PGGT1B: variants seen among roughly 807,000 people sequenced by gnomAD.
The protein encoded by PGGT1B is geranylgeranyl transferase type-1 subunit beta.
In PGGT1B, 30 loss-of-function variants were observed where a neutral mutation model predicts 46.1. The ratio of observed to expected loss-of-function variants is 0.65; its 90% CI spans 0.49 to 0.88. The LOEUF is 0.88. PGGT1B is among the 40% of genes least tolerant of loss of function. The probability of loss-of-function intolerance (pLI) is 0.00; values close to 1 mark genes in which losing one functional copy is unlikely to be tolerated. For missense variants in PGGT1B, 376 were observed against 455.9 expected, an observed-to-expected ratio of 0.82 and a Z score of 1.60; for synonymous variants, 170 against 160.0, an observed-to-expected ratio of 1.06 and a Z score of -0.47.
intron 5 of PGGT1B, among the ~76,000 whole-genome samples, chr5:115,234,568 CAAAT>C (rs1256847973): frequency 6.6e-6 from 1 of 151,928 alleles, no homozygotes; most frequent in Non-Finnish European, 1.5e-5. Context: ...CAAAGAGAAA[CAAAT>C]AACCTAATGG....
chr5:115,231,052 A>C, intron 5 of PGGT1B, 31 bp from the exon 6 acceptor site: 1 of 1,239,128 alleles, frequency 8.1e-7, no homozygotes, highest in Non-Finnish European at 1.1e-6. Context: ...TCAGTTTAAT[A>C]GGGAAATAAT....
chr5:115,253,454 C>T (rs1748188424), intron 1 of PGGT1B, among the ~76,000 whole-genome samples, 199 bp from the exon 2 acceptor site: 1 of 151,788 alleles, frequency 6.6e-6, no homozygotes, highest in African/African-American at 2.4e-5. Context: ...TTCAATTTTT[C>T]AAAAGGGGAC....
intron 6 of PGGT1B, among the ~76,000 whole-genome samples, chr5:115,229,148 C>G (rs1265550657): frequency 6.6e-6 from 1 of 152,058 alleles, no homozygotes; most frequent in African/African-American, 2.4e-5. Context: ...TACTTCCCAG[C>G]CTATCTAACC....
chr5:115,238,997 CT>C (rs35145287), intron 3 of PGGT1B, among the ~76,000 whole-genome samples: 1 of 152,000 alleles, frequency 6.6e-6, no homozygotes, highest in Non-Finnish European at 1.5e-5. Flanking sequence ...GTTCACTACC[CT>C]TTTTATAATA....
chr5:115,224,126 T>C (rs184919537), intron 6 of PGGT1B, among the ~76,000 whole-genome samples: 12 of 151,640 alleles, frequency 7.9e-5, no homozygotes, highest in Admixed American at 7.2e-4. Flanking sequence ...AAAAAAATTA[T>C]TACAACCTTT....
In PGGT1B at chr5:115,207,577, G is replaced by A. The variant is rs1365561613; in HGVS notation, c.*4825C>T. ...GATGCTGTCTGTTTTGAACTTCACC[G>A]AAATGGAATCAAAGTATGCACTTGT... On this transcript the variant is annotated 3_prime_UTR_variant, in exon 9 of 9. Coordinates refer to ENST00000419445, the MANE Select transcript of PGGT1B (RefSeq NM_005023.4). 1 of 151,948 alleles carries A rather than the reference G, an allele frequency of 6.6e-6. No individual in the cohort carries two copies. The highest frequency in any genetic ancestry group is 6.6e-5 in the Admixed American group (1 of 15,240). The allele number at this position is 151,948 out of a possible 1,614,324, so 9.4% of individuals were successfully genotyped here.
rs975633704 is a variant in PGGT1B, at chr5:115,205,870, G to A, written c.*6532C>T. 6.6e-5 allele frequency: 10 copies of A among 151,726 alleles called. No homozygotes were observed. Among genetic ancestry groups the A allele is most frequent in the Non-Finnish European group, 1.2e-4 (8 of 67,822 alleles). 9.4% of individuals were successfully genotyped at this position (151,726 alleles called of 1,614,324 possible). A position where few individuals can be genotyped will look rare whatever the true frequency, so the allele number is the denominator to read the frequency against. ...TATAAATTTAAAGAAACATGCAAAT[G>A]GGCAATTATACATTTTCAAGGATCT... On this transcript the variant is annotated 3_prime_UTR_variant, in exon 9 of 9. Transcript: ENST00000419445.
rs1174285806 is a variant in PGGT1B, at chr5:115,225,974, T to C, written c.659-3966A>G. 2.6e-5 allele frequency among the ~76,000 whole-genome samples: 4 copies of C among 151,788 alleles called. 1 individual carries two copies. Among genetic ancestry groups the C allele is most frequent in the Non-Finnish European group, 5.9e-5 (4 of 67,952 alleles). On this transcript the variant is annotated intron_variant, in intron 6 of 8. Coordinates refer to ENST00000419445, the MANE Select transcript of PGGT1B (RefSeq NM_005023.4). Reference sequence around the variant, plus strand: ...AGTGAAGTAAATTCAAGGGAGTTGATTATTTAGATTTAATATTTATCTTTA... The same window carrying C: ...AGTGAAGTAAATTCAAGGGAGTTGACTATTTAGATTTAATATTTATCTTTA...
intron 2 of PGGT1B, among the ~76,000 whole-genome samples, chr5:115,248,682 CG>C (rs1417882948): frequency 6.6e-6 from 1 of 152,154 alleles, no homozygotes; most frequent in Non-Finnish European, 1.5e-5. Context: ...ATATGCCAAA[CG>C]TGATTGTCTC....
intron 8 of PGGT1B, among the ~76,000 whole-genome samples, chr5:115,216,588 T>A (rs1756426144): frequency 1.3e-5 from 2 of 152,212 alleles, no homozygotes; most frequent in African/African-American, 2.4e-5. Context: ...ATTCAGACCA[T>A]CTACATTATT....
chr5:115,236,601 T>A, intron 4 of PGGT1B, 79 bp from the exon 5 acceptor site: 1 of 833,538 alleles, frequency 1.2e-6, no homozygotes, highest in Non-Finnish European at 1.8e-6. Context: ...AAACACCTCC[T>A]GCTTGTCTTT....
chr5:115,254,676 A>G (rs1285156945), intron 1 of PGGT1B, among the ~76,000 whole-genome samples: 1 of 151,796 alleles, frequency 6.6e-6, no homozygotes, highest in East Asian at 1.9e-4. Context: ...ATTAGATAAC[A>G]GGAGGAGATA....
chr5:115,262,572 A>G, intron 1 of PGGT1B, 140 bp downstream of exon 1: 1 of 930,862 alleles, frequency 1.1e-6, no homozygotes, highest in Non-Finnish European at 1.6e-6. Context: ...GGGTAACCTC[A>G]AGCCCACTTG....
chr5:115,253,036 A>G (rs1167681998), intron 2 of PGGT1B, 101 bp downstream of exon 2: 1 of 980,548 alleles, frequency 1.0e-6, no homozygotes, highest in East Asian at 2.6e-5. Context: ...GATAAATAAA[A>G]TATGTTAACA....
At position 115,237,539 on chromosome 5, in the gene PGGT1B, G is replaced by A. The variant is rs375286222; in HGVS notation, c.479+319C>T. 9.9e-5 allele frequency among the ~76,000 whole-genome samples: 15 copies of A among 152,090 alleles called. No homozygotes were observed. The East Asian group carries it at 1.5e-3, about 16-fold the overall frequency. ...ACTGAGGTCCAGACTAAATGTATGC[G>A]TACTTCAAAATATCAATTTTTCATC... On this transcript the variant is annotated intron_variant, in intron 4 of 8. Transcript: ENST00000419445.
chr5:115,221,029 T>C (rs1304155494), intron 7 of PGGT1B, among the ~76,000 whole-genome samples: 1 of 152,094 alleles, frequency 6.6e-6, no homozygotes, highest in Non-Finnish European at 1.5e-5. Context: ...AAAATTGAAA[T>C]GCACCTGAGA....
At chr5:115,251,539 G>T (rs1446222116) in intron 2 of PGGT1B, among the ~76,000 whole-genome samples, 1 of 151,984 alleles carries the variant, frequency 6.6e-6, no homozygotes, top group Non-Finnish European at 1.5e-5. Context: ...GGAAATAGAA[G>T]AAAAGACAGA....
At chr5:115,217,991 C>T (rs1157976479) in intron 7 of PGGT1B, among the ~76,000 whole-genome samples, 5 of 151,806 alleles carry the variant, frequency 3.3e-5, no homozygotes, top group Non-Finnish European at 7.4e-5. Context: ...AACCTATAGG[C>T]AAAGGCTGAA....
chr5:115,231,555 C>G (rs528293010), intron 5 of PGGT1B: 1 of 152,234 alleles, frequency 6.6e-6, no homozygotes, highest in South Asian at 2.1e-4. Context: ...AGAAGACACA[C>G]TCAAGCTTCA....
Sources: allele counts gnomAD v4.1 joint callset (sites outside exome capture counted in the v4.1 genomes callset), GRCh38; gene constraint gnomAD v4.1.1; transcripts MANE v1.5; gene names NCBI Gene and HGNC (gene_info 2026-07-23, HGNC 2026-07-21).